Variants in STAT5B observed in about 807,000 individuals in gnomAD.
STAT5B encodes transcription factor STAT5B.
Under a neutral mutation model 107.8 loss-of-function variants are expected in STAT5B, and 21 were observed. The observed-to-expected ratio is 0.19, with a 90% CI of 0.14 to 0.28. The LOEUF (loss-of-function observed/expected upper bound fraction) is 0.28, where lower values mean the gene tolerates loss of function less well. STAT5B is among the 10% of genes least tolerant of loss of function. STAT5B has a pLI of 1.00. For missense variants in STAT5B, 565 were observed against 1,008.2 expected (o/e 0.56, Z 5.95); for synonymous variants, 325 against 401.7 (o/e 0.81, Z 2.28).
Position 42,202,817 on chromosome 17 carries a change from G to T in STAT5B, c.2078-9C>A, listed in dbSNP as rs202154803. ...TCCATCAACAGCTTTAGCTGCCAAG[G>T]GAAGAATGTAGTAAATCAAAGTTCT... On this transcript the variant is annotated splice_polypyrimidine_tract_variant and intron_variant, in intron 16 of 18. Coordinates refer to ENST00000293328, the MANE Select transcript of STAT5B (RefSeq NM_012448.4). The T allele has an allele frequency of 6.2e-7, 1 of 1,614,194 alleles. No homozygotes were observed. Among genetic ancestry groups the T allele is most frequent in the Admixed American group, 1.7e-5 (1 of 60,020 alleles).
intron 1 of STAT5B, among the ~76,000 whole-genome samples, chr17:42,266,020 T>C (rs2080668077): frequency 6.6e-6 from 1 of 152,174 alleles, no homozygotes; most frequent in Non-Finnish European, 1.5e-5. Flanking sequence ...ATATTTTTCT[T>C]ATTTTGTCAC....
chr17:42,238,816 G>A (rs2080378418), intron 1 of STAT5B, among the ~76,000 whole-genome samples: 1 of 151,938 alleles, frequency 6.6e-6, no homozygotes, highest in South Asian at 2.1e-4. Context: ...GAACTCTTGG[G>A]AGGTGGTGGT....
chr17:42,217,245 G>A lies in STAT5B; in HGVS notation c.1295C>T (p.Ala432Val), dbSNP rs1398529670. The A allele has an allele frequency of 1.2e-6, 2 of 1,614,064 alleles. No homozygotes were observed. Among genetic ancestry groups the A allele is most frequent in the Non-Finnish European group, 1.7e-6 (2 of 1,180,040 alleles). ...AAATTTTTCTTCTGTCACCGACTCT[G>A]CCCCACGACGGTCTGACCTCTTAAT... ...KRIKRSDRRGAESVTEEKFTI... is the reference protein window; with the variant it reads ...KRIKRSDRRGVESVTEEKFTI... Residue 432 changes from alanine to valine, a missense_variant, in exon 11 of 19, where the codon GCA becomes GTA. Ala to Val is a moderately conservative substitution (Grantham distance 64). Transcript: ENST00000293328.
Position 42,207,659 on chromosome 17 carries a change from C to T in STAT5B, c.1976G>A (p.Arg659His). 2 of 1,614,084 alleles carry T rather than the reference C, an allele frequency of 1.2e-6. No individual in the cohort carries two copies. Among genetic ancestry groups the T allele is most frequent in the Non-Finnish European group, 1.7e-6 (2 of 1,180,000 alleles). The change falls in exon 16 of 19, where the codon CGC becomes CAC. Residue 659 changes from arginine to histidine, a missense_variant. By Grantham distance (29) the Arg-to-His change is conservative. This residue lies in a region of STAT5B where 38 missense variants were observed against 79.5 expected (regional missense o/e 0.48). Transcript: ENST00000293328. ...GATAAGGTAATTCAAGTCTCCCAAG[C>T]GGTCGGCTAGGGACCGAATGGAGAA... ...RDFSIRSLAD[R>H]LGDLNYLIYV...
intron 1 of STAT5B, among the ~76,000 whole-genome samples, chr17:42,275,820 G>T (rs778665623): frequency 9.9e-5 from 15 of 151,812 alleles, no homozygotes; most frequent in Non-Finnish European, 2.2e-4. Context: ...CCGGAGTCCC[G>T]GGAACCTCTT....
At chr17:42,268,987 C>T (rs2080698558) in intron 1 of STAT5B, among the ~76,000 whole-genome samples, 1 of 152,154 alleles carries the variant, frequency 6.6e-6, no homozygotes, top group Admixed American at 6.6e-5. Flanking sequence ...ATGAATGTAA[C>T]TTAACATTTA....
At chr17:42,203,597 A>G (rs2080063110) in intron 16 of STAT5B, among the ~76,000 whole-genome samples, 1 of 152,150 alleles carries the variant, frequency 6.6e-6, no homozygotes, top group Admixed American at 6.6e-5. Context: ...GATTTATCTT[A>G]GGAAGGACTG....
chr17:42,245,462 T>C (rs944498973), intron 1 of STAT5B, among the ~76,000 whole-genome samples: 6 of 151,498 alleles, frequency 4.0e-5, no homozygotes, highest in African/African-American at 1.5e-4. Context: ...TGCAATTCTC[T>C]TGTCTCAGCC....
intron 1 of STAT5B, among the ~76,000 whole-genome samples, chr17:42,235,948 G>A (rs530988229): frequency 6.6e-6 from 1 of 152,238 alleles, no homozygotes; most frequent in African/African-American, 2.4e-5. Flanking sequence ...GAAATACTGT[G>A]GTGATATACT....
At chr17:42,284,514 G>A in the STAT5B span, among the ~76,000 whole-genome samples, 2 of 152,142 alleles carry the variant, frequency 1.3e-5, no homozygotes, top group African/African-American at 4.8e-5. Context: ...TGATGCACCC[G>A]CCTCAGCCTC....
chr17:42,247,279 T>C (rs1012664235), intron 1 of STAT5B, among the ~76,000 whole-genome samples: 1 of 152,178 alleles, frequency 6.6e-6, no homozygotes, highest in Non-Finnish European at 1.5e-5. Flanking sequence ...AGCACACCTA[T>C]CCACCGAACC....
intron 13 of STAT5B, 86 bp from the exon 14 acceptor site, chr17:42,210,583 G>T: frequency 1.6e-6 from 2 of 1,237,848 alleles, no homozygotes; most frequent in Non-Finnish European, 2.4e-6. Context: ...AAATTAAATG[G>T]GAAACAAACA....
chr17:42,280,617 G>C (rs188444533), upstream of STAT5B, among the ~76,000 whole-genome samples: 17 of 152,284 alleles, frequency 1.1e-4, no homozygotes, highest in Admixed American at 3.9e-4. Context: ...TCCTTCCATA[G>C]GGGGATAGGT....
At chr17:42,278,279 G>A (rs981991477), upstream of STAT5B, among the ~76,000 whole-genome samples, 10 of 152,300 alleles carry the variant, frequency 6.6e-5, no homozygotes, top group Admixed American at 2.0e-4. Flanking sequence ...AAGGGCAGAC[G>A]CAATATGCTA....
At chr17:42,281,271 A>G (rs1217034102), upstream of STAT5B, among the ~76,000 whole-genome samples, 3 of 152,184 alleles carry the variant, frequency 2.0e-5, no homozygotes, top group African/African-American at 7.2e-5. Flanking sequence ...TATGTTTCAA[A>G]TCCACAGAAT....
chr17:42,231,050 T>G (rs1297133407), intron 2 of STAT5B, among the ~76,000 whole-genome samples: 1 of 152,090 alleles, frequency 6.6e-6, no homozygotes, highest in Non-Finnish European at 1.5e-5. Context: ...TAATTTTTAG[T>G]TTTTTGTTAG....
At chr17:42,244,689 TA>T (rs1276895847) in intron 1 of STAT5B, among the ~76,000 whole-genome samples, 2 of 152,148 alleles carry the variant, frequency 1.3e-5, no homozygotes, top group African/African-American at 4.8e-5. Flanking sequence ...AGTTTCTACC[TA>T]GCAAAATTTT....
At position 42,223,478 on chromosome 17, in the gene STAT5B, G is replaced by A. The variant is rs121908502; in HGVS notation, c.454C>T (p.Arg152Ter). 6.2e-7 allele frequency: 1 copy of A among 1,614,126 alleles called. No homozygotes were observed. The highest frequency in any genetic ancestry group is 1.1e-5 in the South Asian group (1 of 91,080). Residue 152 changes from arginine (R) to a stop codon, truncating the protein, a stop_gained, in exon 5 of 19, where the codon CGA becomes TGA. Transcript: ENST00000293328. LOFTEE classifies it high-confidence loss of function. The part of the protein sequence containing the change: ...LQINQTFEEL[R>*]LVTQDTENEL... ...TTCTCTGTGTCCTGCGTGACCAGTC[G>A]CAGCTCCTCAAACGTCTGGTTGATC...
At chr17:42,213,563 T>C (rs2080146382) in intron 12 of STAT5B, among the ~76,000 whole-genome samples, 1 of 151,816 alleles carries the variant, frequency 6.6e-6, no homozygotes. Context: ...AGTCTCACTG[T>C]GTTGCCCAGG....
Sources: gnomAD v4.1 joint callset for allele counts (sites outside exome capture counted in the v4.1 genomes callset) on GRCh38, gnomAD v4.1.1 for gene constraint, gnomAD v4.1.1 regional missense constraint, MANE v1.5 for transcripts, NCBI Gene and HGNC (gene_info 2026-07-23, HGNC 2026-07-21) for gene names.